TBX19: variants seen among roughly 807,000 people sequenced by gnomAD.
The protein encoded by TBX19 is T-box transcription factor TBX19.
Under a neutral mutation model 40.9 loss-of-function variants are expected in TBX19, and 33 were observed. The observed-to-expected ratio is 0.81, with a 90% CI of 0.61 to 1.08. The LOEUF (loss-of-function observed/expected upper bound fraction) is 1.08. Among genes scored for constraint, TBX19 ranks in the 50% least tolerant of loss-of-function variants. The probability of loss-of-function intolerance (pLI) is 0.00; values close to 1 mark genes in which losing one functional copy is unlikely to be tolerated. For synonymous variants in TBX19, 220 were observed against 225.0 expected (o/e 0.98, Z 0.20); for missense variants, 494 against 574.0 (o/e 0.86, Z 1.42).
chr1:168,299,089 GTTTTA>G (rs935596818), intron 4 of TBX19, among the ~76,000 whole-genome samples: 74 of 150,864 alleles, frequency 4.9e-4, no homozygotes, highest in Non-Finnish European at 8.1e-4. Context: ...AATTTTTTAT[GTTTTA>G]TTTTTAGTGG....
At chr1:168,311,001 G>A (rs1414834652) in intron 7 of TBX19, among the ~76,000 whole-genome samples, 1 of 150,782 alleles carries the variant, frequency 6.6e-6, no homozygotes, top group Non-Finnish European at 1.5e-5. Context: ...TTTTCTAAAT[G>A]TGGCTACTAG....
rs567381378 is a variant in TBX19 at position 168,305,279 on chromosome 1, G to A, written c.916+83G>A. On this transcript the variant is annotated intron_variant, in intron 6 of 7. Coordinates refer to ENST00000367821, the MANE Select transcript of TBX19 (RefSeq NM_005149.3). ...AGAAATGGATAAACAGCTAGGAAAAGGAGTAGCTAAAGATGGAACCCCGTC... is the reference window on the plus strand; with the variant it reads ...AGAAATGGATAAACAGCTAGGAAAAAGAGTAGCTAAAGATGGAACCCCGTC... The A allele has an allele frequency of 2.9e-5, 39 of 1,360,594 alleles. No homozygotes were observed. The African/African-American group carries it at 4.8e-4, about 17-fold the overall frequency. The allele number at this position is 1,360,594 out of a possible 1,614,324, so 84.3% of individuals were successfully genotyped here.
At chr1:168,302,160 G>A (rs1649291100) in intron 5 of TBX19, among the ~76,000 whole-genome samples, 1 of 152,178 alleles carries the variant, frequency 6.6e-6, no homozygotes, top group African/African-American at 2.4e-5. Flanking sequence ...ATGTGGCAAA[G>A]TCTGGTTCTG....
At chr1:168,284,808 T>C (rs1648768171) in intron 1 of TBX19, among the ~76,000 whole-genome samples, 1 of 151,798 alleles carries the variant, frequency 6.6e-6, no homozygotes, top group Admixed American at 6.6e-5. Flanking sequence ...ATCTCTTGCT[T>C]TTGTTTTCTT....
Position 168,293,145 on chromosome 1 carries a change from T to C in TBX19, c.470T>C (p.Ile157Thr). 6.2e-7 allele frequency: 1 copy of C among 1,613,924 alleles called. No homozygotes were observed. Residue 157 changes from isoleucine (I) to threonine (T), a missense_variant and splice_region_variant, in exon 3 of 8, where the codon ATA (isoleucine) becomes ACA (threonine). By Grantham distance (89) the Ile-to-Thr change is moderately conservative. Coordinates refer to ENST00000367821, the MANE Select transcript of TBX19 (RefSeq NM_005149.3). ...CTTTCTCTTCTCCTGCCTCGACAGATAATGTTGAATTCTCTGCATAAATAT... is the reference window on the plus strand; with the variant it reads ...CTTTCTCTTCTCCTGCCTCGACAGACAATGTTGAATTCTCTGCATAAATAT... ...LTNKLNGGGQ[I>T]MLNSLHKYEP...
chr1:168,300,776 G>A (rs1037187631), intron 5 of TBX19, among the ~76,000 whole-genome samples: 1 of 152,192 alleles, frequency 6.6e-6, no homozygotes, highest in Admixed American at 6.5e-5. Context: ...CCTCAACAGT[G>A]TGTTCTCGGC....
At position 168,310,485 on chromosome 1, in the gene TBX19, G is replaced by A. The variant is rs74359957; in HGVS notation, c.1052+1608G>A. Among the ~76,000 whole-genome samples, 4 of 152,020 alleles carry A rather than the reference G, an allele frequency of 2.6e-5. No individual in the cohort carries two copies. The East Asian group carries it at 7.7e-4, about 29-fold the overall frequency. On this transcript the variant is annotated intron_variant, in intron 7 of 7. Transcript: ENST00000367821. ...TTCTGCATTTCTACCAAGTTCCTGG[G>A]TGTTGCTGATATTGCTGTGGCCCAC...
chr1:168,281,310 C>T lies in TBX19; in HGVS notation c.203+17C>T, dbSNP rs1446063352. ...GAATGGCAGGTGAGTTTATCTGCCG[C>T]CCCGCGTGGGCTGGCAGGGCTTGGC... is the stretch of plus-strand genomic sequence containing the variant. On this transcript the variant is annotated intron_variant, in intron 1 of 7. Transcript: ENST00000367821. 1.9e-6 allele frequency: 3 copies of T among 1,611,762 alleles called. No homozygotes were observed. The highest frequency in any genetic ancestry group is 2.5e-6 in the Non-Finnish European group (3 of 1,178,020).
intron 3 of TBX19, among the ~76,000 whole-genome samples, chr1:168,295,030 C>T (rs1321881228): frequency 1.2e-4 from 19 of 152,106 alleles, no homozygotes. Context: ...TGGTGGCTCA[C>T]GTCTCTAATC....
chr1:168,285,664 T>G (rs1159222069), intron 1 of TBX19, among the ~76,000 whole-genome samples: 2 of 152,264 alleles, frequency 1.3e-5, no homozygotes, highest in Non-Finnish European at 2.9e-5. Context: ...AAGGAGGCTT[T>G]CTCTCCAGGG....
intron 1 of TBX19, among the ~76,000 whole-genome samples, chr1:168,283,892 T>A (rs1648736354): frequency 6.6e-6 from 1 of 152,198 alleles, no homozygotes; most frequent in South Asian, 2.1e-4. Context: ...TAGCAAATCT[T>A]GAAATAGCGT....
Position 168,313,877 on chromosome 1 carries a change from C to T in TBX19, c.*875C>T, listed in dbSNP as rs1456127807. 6.6e-6 allele frequency: 1 copy of T among 152,088 alleles called. No individual in the cohort carries two copies. Among genetic ancestry groups the T allele is most frequent in the Non-Finnish European group, 1.5e-5 (1 of 68,066 alleles). 9.4% of individuals were successfully genotyped at this position (152,088 alleles called of 1,614,324 possible). On this transcript the variant is annotated 3_prime_UTR_variant, in exon 8 of 8. Coordinates refer to ENST00000367821, the MANE Select transcript of TBX19 (RefSeq NM_005149.3). ...AGTGAATTATGATTGTGGCATTGCA[C>T]TCCAGCCTGGGTGGTAGATCAAGGC...
At chr1:168,289,829 A>T (rs976835561) in intron 1 of TBX19, among the ~76,000 whole-genome samples, 3 of 152,232 alleles carry the variant, frequency 2.0e-5, no homozygotes, top group African/African-American at 2.4e-5. Flanking sequence ...ATCACAAAGG[A>T]CATCAACTCT....
In TBX19 at chr1:168,307,602, T is replaced by C. The variant is rs1005963636; in HGVS notation, c.917-1140T>C. ...CAAACCATAGCACCAGAGATAGACG[T>C]TGGAATCTTCCTTCTCTCTCTCCCT... On this transcript the variant is annotated intron_variant, in intron 6 of 7. Transcript: ENST00000367821. Among the ~76,000 whole-genome samples the C allele has an allele frequency of 4.6e-5, 7 of 152,084 alleles. No homozygotes were observed. In the South Asian group the frequency reaches 6.2e-4, roughly 14 times the overall value.
intron 6 of TBX19, chr1:168,308,274 C>T (rs767810957): frequency 9.9e-5 from 19 of 192,208 alleles, no homozygotes; most frequent in Non-Finnish European, 1.7e-4. Context: ...GGGCACCATG[C>T]CGGGCCAAAA....
chr1:168,285,298 CA>C (rs1186625299), intron 1 of TBX19, among the ~76,000 whole-genome samples: 154 of 139,518 alleles, frequency 1.1e-3, no homozygotes, highest in African/African-American at 4.0e-3. Flanking sequence ...CACACACACA[CA>C]CCCCTCTAAA....
Position 168,313,104 on chromosome 1 carries a change from C to A in TBX19, c.*102C>A. 7.0e-7 allele frequency: 1 copy of A among 1,434,534 alleles called. No individual in the cohort carries two copies. Among genetic ancestry groups the A allele is most frequent in the Non-Finnish European group, 9.7e-7 (1 of 1,028,060 alleles). 88.9% of individuals were successfully genotyped at this position (1,434,534 alleles called of 1,614,324 possible). On this transcript the variant is annotated 3_prime_UTR_variant, in exon 8 of 8. Coordinates refer to ENST00000367821, the MANE Select transcript of TBX19 (RefSeq NM_005149.3). ...TGAGTCAGACTGTGGAATCTCCCTT[C>A]CCACTAGCTGGAGGTGGAGGTGGGT...
chr1:168,292,214 G>A (rs751604050), intron 2 of TBX19, among the ~76,000 whole-genome samples: 1 of 152,142 alleles, frequency 6.6e-6, no homozygotes, highest in Admixed American at 6.5e-5. Context: ...GACCATAGGA[G>A]TTCATGTGTC....
chr1:168,296,329 A>G (rs2102356492), intron 3 of TBX19, among the ~76,000 whole-genome samples: 1 of 152,302 alleles, frequency 6.6e-6, no homozygotes, highest in East Asian at 1.9e-4. Context: ...TCACGCTGCT[A>G]ATAAAGACAT....
Sources: gnomAD v4.1 joint callset for allele counts (sites outside exome capture counted in the v4.1 genomes callset) on GRCh38, gnomAD v4.1.1 for gene constraint, MANE v1.5 for transcripts, NCBI Gene and HGNC (gene_info 2026-07-23, HGNC 2026-07-21) for gene names.